The following KCNMA1 variants were observed in gnomAD, a reference collection of about 807,000 sequenced individuals.
The protein encoded by KCNMA1 is potassium calcium-activated channel subfamily M alpha 1.
In KCNMA1, 29 loss-of-function variants were observed where a neutral mutation model predicts 140.0. The observed-to-expected ratio is 0.21, with a 90% CI of 0.15 to 0.28. The LOEUF (loss-of-function observed/expected upper bound fraction) is 0.28, where lower values mean the gene tolerates loss of function less well. Among genes scored for constraint, KCNMA1 ranks in the 10% least tolerant of loss-of-function variants. The probability of loss-of-function intolerance (pLI) is 1.00; values close to 1 mark genes in which losing one functional copy is unlikely to be tolerated. For missense variants in KCNMA1, 880 were observed against 1,602.2 expected (o/e 0.55, Z 7.70); for synonymous variants, 612 against 611.9 (o/e 1.00, Z 0.00).
At position 77,270,810 on chromosome 10, in the gene KCNMA1, C is replaced by T. The variant is rs560257519; in HGVS notation, c.541-19554G>A. On this transcript the variant is annotated intron_variant, in intron 2 of 27. Coordinates refer to ENST00000286628, the MANE Select transcript of KCNMA1 (RefSeq NM_001161352.2). The stretch of plus-strand genomic sequence containing the variant: ...CTGGCCCAAGCGCTCTTTTTAGAGG[C>T]TTGAGGGTAAACTTCATCCCAGCTC... Among the ~76,000 whole-genome samples the T allele has an allele frequency of 1.4e-4, 22 of 152,006 alleles. 1 individual carries two copies. In the South Asian group the frequency reaches 3.7e-3, roughly 26 times the overall value.
chr10:76,937,096 T>C (rs1180785461), intron 23 of KCNMA1, among the ~76,000 whole-genome samples: 5 of 152,150 alleles, frequency 3.3e-5, no homozygotes, highest in African/African-American at 4.8e-5. Flanking sequence ...TGTCAGTAAC[T>C]CTCCTTTAGC....
At chr10:77,557,280 A>G (rs2064839527) in intron 1 of KCNMA1, among the ~76,000 whole-genome samples, 1 of 152,196 alleles carries the variant, frequency 6.6e-6, no homozygotes, top group African/African-American at 2.4e-5. Context: ...TAGCAGTCCA[A>G]TGTTGGGCTG....
At chr10:76,944,668 G>C in intron 23 of KCNMA1, 105 bp downstream of exon 23, 1 of 1,068,676 alleles carries the variant, frequency 9.4e-7, no homozygotes, top group Non-Finnish European at 1.4e-6. Flanking sequence ...TTCACTGCCA[G>C]GCAGGCTGAT....
chr10:76,884,720 G>A (rs1444682184), downstream of KCNMA1: 4 of 433,948 alleles, frequency 9.2e-6, no homozygotes, highest in Non-Finnish European at 1.6e-5. Context: ...CAGCAGCACA[G>A]CCTCATTGCG....
intron 1 of KCNMA1, among the ~76,000 whole-genome samples, chr10:77,429,004 C>G (rs1413974489): frequency 6.6e-6 from 1 of 152,196 alleles, no homozygotes; most frequent in African/African-American, 2.4e-5. Context: ...AACTAGCCAC[C>G]AGCTCTCAGG....
chr10:77,447,113 T>A (rs2097543729), intron 1 of KCNMA1, among the ~76,000 whole-genome samples: 1 of 152,220 alleles, frequency 6.6e-6, no homozygotes, highest in Non-Finnish European at 1.5e-5. Context: ...CAGCCTCAGC[T>A]ACAGCTTCAG....
chr10:77,578,246 G>A (rs1342219721), intron 1 of KCNMA1, among the ~76,000 whole-genome samples: 2 of 152,180 alleles, frequency 1.3e-5, no homozygotes, highest in Non-Finnish European at 2.9e-5. Context: ...AATTAAATCA[G>A]AAGAAGATGA....
intron 5 of KCNMA1, among the ~76,000 whole-genome samples, chr10:77,162,244 C>A (rs2098564488): frequency 1.3e-5 from 2 of 152,186 alleles, no homozygotes; most frequent in Non-Finnish European, 2.9e-5. Flanking sequence ...GTGGACCAAA[C>A]AGTTCCGATA....
At chr10:77,321,353 G>A (rs948812460) in intron 2 of KCNMA1, among the ~76,000 whole-genome samples, 1 of 152,162 alleles carries the variant, frequency 6.6e-6, no homozygotes, top group Admixed American at 6.5e-5. Flanking sequence ...ATACCCAGAG[G>A]AGAAAGCATC....
At chr10:76,967,519 G>A (rs2153117092) in intron 20 of KCNMA1, among the ~76,000 whole-genome samples, 1 of 152,282 alleles carries the variant, frequency 6.6e-6, no homozygotes, top group African/African-American at 2.4e-5. Flanking sequence ...AGGTCTTTCT[G>A]TAAACTGGAA....
intron 1 of KCNMA1, among the ~76,000 whole-genome samples, chr10:77,509,125 G>GTTA (rs2047401650): frequency 6.6e-6 from 1 of 151,752 alleles, no homozygotes; most frequent in African/African-American, 2.4e-5. Context: ...TGTTGTTGTT[G>GTTA]TTGTTGTTGT....
intron 19 of KCNMA1, chr10:76,978,674 T>A (rs1027033627): frequency 6.6e-6 from 1 of 152,146 alleles, no homozygotes; most frequent in Non-Finnish European, 1.5e-5. Flanking sequence ...CGGTTTATAA[T>A]CAAATAGATT....
chr10:77,078,801 T>A (rs556430211), intron 13 of KCNMA1, among the ~76,000 whole-genome samples: 1 of 152,328 alleles, frequency 6.6e-6, no homozygotes, highest in South Asian at 2.1e-4. Flanking sequence ...ATTTACTGAA[T>A]AAGTAAATGA....
chr10:77,146,232 T>C (rs1196784241), intron 5 of KCNMA1, among the ~76,000 whole-genome samples: 2 of 152,146 alleles, frequency 1.3e-5, no homozygotes, highest in Non-Finnish European at 2.9e-5. Flanking sequence ...CCTTCTTCTC[T>C]TCCTTGTTTA....
chr10:77,256,964 C>A (rs768629373), intron 2 of KCNMA1, among the ~76,000 whole-genome samples: 1 of 152,062 alleles, frequency 6.6e-6, no homozygotes, highest in Non-Finnish European at 1.5e-5. Flanking sequence ...AAAAAATTAT[C>A]CAGGCATGAT....
intron 29 of KCNMA1, among the ~76,000 whole-genome samples, chr10:76,879,444 GCTAA>G (rs1459238868): frequency 1.3e-5 from 2 of 152,226 alleles, no homozygotes; most frequent in Non-Finnish European, 2.9e-5. Flanking sequence ...TCACAGTGAA[GCTAA>G]CTGATTAAGT....
At chr10:77,031,544 A>G (rs923310527) in intron 15 of KCNMA1, among the ~76,000 whole-genome samples, 2 of 152,240 alleles carry the variant, frequency 1.3e-5, no homozygotes, top group Non-Finnish European at 2.9e-5. Flanking sequence ...AGTATAATAC[A>G]CCATGATTTA....
At chr10:77,338,514 C>G (rs2089956655) in intron 2 of KCNMA1, among the ~76,000 whole-genome samples, 1 of 152,186 alleles carries the variant, frequency 6.6e-6, no homozygotes, top group Non-Finnish European at 1.5e-5. Flanking sequence ...CTGCTCTTCT[C>G]CAGCAGGTGC....
chr10:77,387,663 G>A (rs1342818863), intron 2 of KCNMA1, among the ~76,000 whole-genome samples: 1 of 133,942 alleles, frequency 7.5e-6, no homozygotes, highest in Non-Finnish European at 1.5e-5. Context: ...TGTCACCCAG[G>A]TTGGAGTCCA....
Sources: allele counts gnomAD v4.1 joint callset (sites outside exome capture counted in the v4.1 genomes callset), GRCh38; gene constraint gnomAD v4.1.1; transcripts MANE v1.5; gene names NCBI Gene and HGNC (gene_info 2026-07-23, HGNC 2026-07-21).